Variants in PEX5L observed in about 807,000 individuals in gnomAD.
The protein encoded by PEX5L is peroxisomal biogenesis factor 5 like.
Under a neutral mutation model 84.0 loss-of-function variants are expected in PEX5L, and 30 were observed. The ratio of observed to expected loss-of-function variants is 0.36; its 90% CI spans 0.27 to 0.48. PEX5L has a LOEUF of 0.48. Ranked by LOEUF, PEX5L falls within the 20% of genes least tolerant of loss-of-function variation. The pLI is 0.99. For synonymous variants in PEX5L, 270 were observed against 283.1 expected (o/e 0.95, Z 0.46); for missense variants, 533 against 754.6 (o/e 0.71, Z 3.44).
intron 1 of PEX5L, among the ~76,000 whole-genome samples, chr3:179,986,397 ATTTTTTTTT>A (rs11344304): frequency 9.0e-6 from 1 of 111,096 alleles, no homozygotes; most frequent in Non-Finnish European, 1.7e-5. Flanking sequence ...CCATTTAGTA[ATTTTTTTTT>A]TTTTTTTTTT....
At chr3:179,990,879 G>A (rs1352286860) in intron 1 of PEX5L, among the ~76,000 whole-genome samples, 1 of 152,156 alleles carries the variant, frequency 6.6e-6, no homozygotes, top group Non-Finnish European at 1.5e-5. Flanking sequence ...ATGTAAATGT[G>A]CTGGGTATAT....
intron 8 of PEX5L, among the ~76,000 whole-genome samples, chr3:179,856,281 A>T (rs1259025340): frequency 1.3e-5 from 2 of 152,172 alleles, no homozygotes; most frequent in African/African-American, 4.8e-5. Context: ...TCATTTTACA[A>T]AGTTGGGATT....
At position 179,801,742 on chromosome 3, in the gene PEX5L, C is replaced by G; in HGVS notation, c.*86G>C. On this transcript the variant is annotated 3_prime_UTR_variant, in exon 15 of 15. Coordinates refer to ENST00000467460, the MANE Select transcript of PEX5L (RefSeq NM_016559.3). ...TGGCCTTTTGAATATTTGATTTATCCTTTTGAAATTCATAATAAAATAGTT... is the reference window on the plus strand; with the variant it reads ...TGGCCTTTTGAATATTTGATTTATCGTTTTGAAATTCATAATAAAATAGTT... The G allele has an allele frequency of 1.1e-6, 1 of 931,916 alleles. No individual in the cohort carries two copies. The highest frequency in any genetic ancestry group is 1.8e-6 in the Non-Finnish European group (1 of 569,144). 57.7% of individuals were successfully genotyped at this position (931,916 alleles called of 1,614,324 possible). A position where few individuals can be genotyped will look rare whatever the true frequency, so the allele number is the denominator to read the frequency against.
At chr3:179,951,960 A>G (rs1779205188) in intron 2 of PEX5L, among the ~76,000 whole-genome samples, 1 of 152,138 alleles carries the variant, frequency 6.6e-6, no homozygotes, top group Admixed American at 6.5e-5. Flanking sequence ...CATATTTCCA[A>G]TAGTGGAATA....
intron 2 of PEX5L, among the ~76,000 whole-genome samples, chr3:179,936,410 T>G (rs187950440): frequency 1.6e-3 from 251 of 152,344 alleles, no homozygotes; most frequent in Middle Eastern, 3.4e-3. Flanking sequence ...TCTTGGATTC[T>G]TAGAAAATAA....
intron 2 of PEX5L, among the ~76,000 whole-genome samples, chr3:179,962,013 T>TG: frequency 2.0e-5 from 1 of 50,628 alleles, no homozygotes; most frequent in South Asian, 1.4e-3. Context: ...CCCAGAGTAG[T>TG]TTAGGAGATT....
rs573038426 is a variant in PEX5L, at chr3:179,926,786, G to A, written c.94-28540C>T. On this transcript the variant is annotated intron_variant, in intron 2 of 14. Transcript: ENST00000467460. ...GGTGTTCAACAAATATCTGTGAAATGAATGAGTAGATACAAAATAAAATAT... is the reference window on the plus strand; with the variant it reads ...GGTGTTCAACAAATATCTGTGAAATAAATGAGTAGATACAAAATAAAATAT... Among the ~76,000 whole-genome samples, 229 of 152,318 alleles carry A rather than the reference G, an allele frequency of 1.5e-3. 2 individuals are homozygous for A. Among genetic ancestry groups the A allele is most frequent in the Non-Finnish European group, 1.9e-3 (129 of 68,028 alleles).
intron 1 of PEX5L, among the ~76,000 whole-genome samples, chr3:180,014,313 A>C (rs1383256432): frequency 6.6e-6 from 1 of 152,152 alleles, no homozygotes; most frequent in Non-Finnish European, 1.5e-5. Context: ...TCTACTAAAA[A>C]TACAAAAAAT....
At chr3:179,879,850 G>T in intron 5 of PEX5L, 79 bp downstream of exon 5, 1 of 974,246 alleles carries the variant, frequency 1.0e-6, no homozygotes, top group Non-Finnish European at 1.5e-6. Flanking sequence ...TCTGTTTAAT[G>T]CCATTGGTGG....
intron 1 of PEX5L, among the ~76,000 whole-genome samples, chr3:180,015,215 C>T (rs1425720091): frequency 6.6e-6 from 1 of 152,174 alleles, no homozygotes; most frequent in Non-Finnish European, 1.5e-5. Flanking sequence ...ACACCTCATT[C>T]ATCTTTGTAT....
chr3:179,851,350 T>C lies in PEX5L; in HGVS notation c.822+7712A>G, dbSNP rs564490733. 7.2e-5 allele frequency among the ~76,000 whole-genome samples: 11 copies of C among 152,302 alleles called. No homozygotes were observed. The South Asian group carries it at 2.3e-3, about 32-fold the overall frequency. Reference sequence around the variant, plus strand: ...TTCTTGCTCTATCCTTACATGTTTGTAGGACAAACAAGCTCCCTCAGATCT... The same window carrying C: ...TTCTTGCTCTATCCTTACATGTTTGCAGGACAAACAAGCTCCCTCAGATCT... On this transcript the variant is annotated intron_variant, in intron 8 of 14. Coordinates refer to ENST00000467460, the MANE Select transcript of PEX5L (RefSeq NM_016559.3).
At chr3:180,019,385 G>A (rs1790228699) in intron 1 of PEX5L, among the ~76,000 whole-genome samples, 1 of 152,114 alleles carries the variant, frequency 6.6e-6, no homozygotes, top group African/African-American at 2.4e-5. Context: ...AACTTTCACT[G>A]TCCCAAGGTA....
At chr3:179,886,308 T>C (rs1415507339) in intron 4 of PEX5L, among the ~76,000 whole-genome samples, 1 of 152,244 alleles carries the variant, frequency 6.6e-6, no homozygotes, top group Non-Finnish European at 1.5e-5. Flanking sequence ...TGTGAACTTG[T>C]TTAATTTCCT....
intron 7 of PEX5L, among the ~76,000 whole-genome samples, chr3:179,867,025 CAAAA>C (rs61404630): frequency 1.1e-5 from 1 of 89,384 alleles, no homozygotes; most frequent in Non-Finnish European, 2.2e-5. Flanking sequence ...GACTCTGTCT[CAAAA>C]AAAAAAAAAA....
At chr3:179,870,808 T>C (rs963228517) in intron 7 of PEX5L, among the ~76,000 whole-genome samples, 2 of 152,318 alleles carry the variant, frequency 1.3e-5, no homozygotes, top group Admixed American at 6.5e-5. Flanking sequence ...AGACTCAAAT[T>C]CTCAAAACTT....
intron 14 of PEX5L, among the ~76,000 whole-genome samples, chr3:179,807,357 C>T (rs1217391347): frequency 6.6e-6 from 1 of 152,162 alleles, no homozygotes; most frequent in Non-Finnish European, 1.5e-5. Flanking sequence ...TGAAGAGTTG[C>T]CCTTGGGGGT....
intron 8 of PEX5L, among the ~76,000 whole-genome samples, chr3:179,829,772 C>CTTTT (rs55899128): frequency 8.3e-6 from 1 of 120,944 alleles, no homozygotes; most frequent in Admixed American, 8.7e-5. Context: ...CTTGCTATAT[C>CTTTT]TTTTTTTTTT....
intron 8 of PEX5L, among the ~76,000 whole-genome samples, chr3:179,856,592 G>T (rs1423826312): frequency 1.3e-5 from 2 of 152,152 alleles, no homozygotes; most frequent in African/African-American, 4.8e-5. Context: ...ATAATACCCT[G>T]GGTAAGAATA....
In PEX5L at chr3:179,989,607, AG is replaced by A. The variant is rs532131085; in HGVS notation, c.22-17943del. Among the ~76,000 whole-genome samples the A allele has an allele frequency of 3.3e-3, 496 of 152,310 alleles. 2 individuals carry two copies. The highest frequency in any genetic ancestry group is 0.012 in the African/African-American group (478 of 41,562). ...TTTATATCTCAATGTAATGATATAA[AG>A]CAATTGTAATTTATATCATTTGTAA... On this transcript the variant is annotated intron_variant, in intron 1 of 14. Coordinates refer to ENST00000467460, the MANE Select transcript of PEX5L (RefSeq NM_016559.3).
Sources: gnomAD v4.1 joint callset for allele counts (sites outside exome capture counted in the v4.1 genomes callset) on GRCh38, gnomAD v4.1.1 for gene constraint, MANE v1.5 for transcripts, NCBI Gene and HGNC (gene_info 2026-07-23, HGNC 2026-07-21) for gene names.